The following GALNTL6 variants were observed in gnomAD, a reference collection of about 807,000 sequenced individuals.
The protein encoded by GALNTL6 is polypeptide N-acetylgalactosaminyltransferase-like 6.
A neutral mutation model predicts 73.7 loss-of-function variants in GALNTL6; 46 were observed. The ratio of observed to expected loss-of-function variants is 0.62; its 90% CI spans 0.49 to 0.80. The LOEUF (loss-of-function observed/expected upper bound fraction) is 0.80, where lower values mean the gene tolerates loss of function less well. GALNTL6 is among the 30% of genes least tolerant of loss of function. The probability of loss-of-function intolerance (pLI) is 0.00; values close to 1 mark genes in which losing one functional copy is unlikely to be tolerated. For synonymous variants in GALNTL6, 259 were observed against 263.7 expected, an observed-to-expected ratio of 0.98 and a Z score of 0.17; for missense variants, 604 against 755.0, an observed-to-expected ratio of 0.80 and a Z score of 2.34.
rs144228810 is a variant in GALNTL6, at chr4:173,028,635, A to G, written c.1638+7010A>G. 6.6e-4 allele frequency among the ~76,000 whole-genome samples: 100 copies of G among 152,284 alleles called. No homozygotes were observed. The East Asian group carries it at 0.014, about 21-fold the overall frequency. ...TACCTAATATATGAAGTTCCTAAAT[A>G]AGCATTCATTGACTGGCTTAAAGAA... On this transcript the variant is annotated intron_variant, in intron 12 of 12. Coordinates refer to ENST00000506823, the MANE Select transcript of GALNTL6 (RefSeq NM_001034845.3).
rs191508389 is a variant in GALNTL6, at chr4:171,837,073, A to C, written c.138+22355A>C. Among the ~76,000 whole-genome samples the C allele has an allele frequency of 5.2e-3, 790 of 152,298 alleles. 1 individual carries two copies. The highest frequency in any genetic ancestry group is 7.1e-3 in the Non-Finnish European group (485 of 68,008). On this transcript the variant is annotated intron_variant, in intron 2 of 12. Transcript: ENST00000506823. ...ATATTGGCAGACACCACAATGCGTAAATGACAAAATGATCACTAGTAATAG... is the reference window on the plus strand; with the variant it reads ...ATATTGGCAGACACCACAATGCGTACATGACAAAATGATCACTAGTAATAG...
chr4:172,106,966 C>T (rs577936705), intron 2 of GALNTL6, among the ~76,000 whole-genome samples: 47 of 152,256 alleles, frequency 3.1e-4, no homozygotes, highest in South Asian at 1.0e-3. Flanking sequence ...CTTTGCCTCC[C>T]GGGTTCAAGC....
intron 5 of GALNTL6, among the ~76,000 whole-genome samples, chr4:172,800,403 A>G (rs1376430596): frequency 6.6e-6 from 1 of 152,150 alleles, no homozygotes; most frequent in Non-Finnish European, 1.5e-5. Flanking sequence ...TCTTTAAAAG[A>G]CTACATTATG....
At chr4:172,224,025 A>G (rs1736771151) in intron 2 of GALNTL6, among the ~76,000 whole-genome samples, 1 of 152,134 alleles carries the variant, frequency 6.6e-6, no homozygotes, top group Non-Finnish European at 1.5e-5. Context: ...TTTCAACCAC[A>G]TAATTTATTA....
intron 3 of GALNTL6, among the ~76,000 whole-genome samples, chr4:172,281,383 A>C (rs1228770783): frequency 6.6e-6 from 1 of 151,834 alleles, no homozygotes; most frequent in Non-Finnish European, 1.5e-5. Context: ...GAGTTTCTTG[A>C]CTTCCTATTT....
At chr4:172,819,454 A>G (rs899996856) in intron 7 of GALNTL6, among the ~76,000 whole-genome samples, 11 of 152,222 alleles carry the variant, frequency 7.2e-5, no homozygotes, top group African/African-American at 2.7e-4. Flanking sequence ...AGACAATTCA[A>G]CTTATTTTTA....
chr4:172,991,436 T>G (rs921094180), intron 10 of GALNTL6, among the ~76,000 whole-genome samples: 2 of 152,166 alleles, frequency 1.3e-5, no homozygotes, highest in Non-Finnish European at 2.9e-5. Context: ...TCTTGCTCTG[T>G]CACCCAGGCT....
chr4:171,954,762 T>C (rs527977138), intron 2 of GALNTL6, among the ~76,000 whole-genome samples: 1 of 152,184 alleles, frequency 6.6e-6, no homozygotes, highest in Admixed American at 6.5e-5. Flanking sequence ...GAGAGGTGAT[T>C]AAATCATGGG....
chr4:172,048,715 T>G (rs1367163249), intron 2 of GALNTL6, among the ~76,000 whole-genome samples: 1 of 152,158 alleles, frequency 6.6e-6, no homozygotes, highest in Non-Finnish European at 1.5e-5. Context: ...AATTTCCCAC[T>G]GAAAAGTTTT....
chr4:172,107,600 C>G (rs2110972574), intron 2 of GALNTL6, among the ~76,000 whole-genome samples: 1 of 145,400 alleles, frequency 6.9e-6, no homozygotes, highest in South Asian at 2.2e-4. Flanking sequence ...ACCGCATGTT[C>G]TCACTCATAG....
intron 5 of GALNTL6, among the ~76,000 whole-genome samples, chr4:172,684,482 A>G (rs2111239381): frequency 6.6e-6 from 1 of 152,348 alleles, no homozygotes; most frequent in Admixed American, 6.5e-5. Context: ...ATTAAGCAAT[A>G]ATACAATCAA....
At chr4:172,743,448 T>G (rs373668216) in intron 5 of GALNTL6, among the ~76,000 whole-genome samples, 16 of 152,054 alleles carry the variant, frequency 1.1e-4, no homozygotes, top group African/African-American at 3.4e-4. Context: ...TAAGATGCTT[T>G]TAACTGTTTT....
At chr4:172,971,918 C>A (rs1750600101) in intron 10 of GALNTL6, among the ~76,000 whole-genome samples, 1 of 152,072 alleles carries the variant, frequency 6.6e-6, no homozygotes, top group South Asian at 2.1e-4. Flanking sequence ...AAAAAGGCAA[C>A]TCTCTCTGCT....
intron 2 of GALNTL6, among the ~76,000 whole-genome samples, chr4:172,226,014 G>A (rs1736853201): frequency 6.6e-6 from 1 of 152,084 alleles, no homozygotes; most frequent in South Asian, 2.1e-4. Context: ...GGCTGAGAAT[G>A]CCTAAGAATT....
At chr4:171,842,207 T>G (rs1735255048) in intron 2 of GALNTL6, among the ~76,000 whole-genome samples, 1 of 152,210 alleles carries the variant, frequency 6.6e-6, no homozygotes, top group African/African-American at 2.4e-5. Context: ...TATTTACAAT[T>G]ATAGTGTGTT....
At chr4:172,481,890 C>T (rs1305949637) in intron 5 of GALNTL6, among the ~76,000 whole-genome samples, 1 of 152,232 alleles carries the variant, frequency 6.6e-6, no homozygotes, top group Non-Finnish European at 1.5e-5. Context: ...TACCTGCACT[C>T]CTCAGCCCTT....
chr4:172,479,648 C>T (rs1733371635), intron 5 of GALNTL6, among the ~76,000 whole-genome samples: 1 of 152,168 alleles, frequency 6.6e-6, no homozygotes, highest in Admixed American at 6.5e-5. Context: ...CCCCAGACTT[C>T]ACCACAATAC....
At chr4:172,605,015 A>G (rs975424973) in intron 5 of GALNTL6, among the ~76,000 whole-genome samples, 1 of 152,230 alleles carries the variant, frequency 6.6e-6, no homozygotes, top group African/African-American at 2.4e-5. Context: ...CACCTCAGAC[A>G]CTTTTGTAAC....
intron 5 of GALNTL6, among the ~76,000 whole-genome samples, chr4:172,492,067 G>C (rs531835497): frequency 6.8e-6 from 1 of 147,680 alleles, no homozygotes; most frequent in South Asian, 2.1e-4. Context: ...ACACGGAAGC[G>C]GTCTATTCAC....
Sources: gnomAD v4.1 joint callset for allele counts (sites outside exome capture counted in the v4.1 genomes callset) on GRCh38, gnomAD v4.1.1 for gene constraint, MANE v1.5 for transcripts, NCBI Gene and HGNC (gene_info 2026-07-23, HGNC 2026-07-21) for gene names.